The following USP47 variants were observed in gnomAD, a reference collection of about 807,000 sequenced individuals.
USP47 encodes ubiquitin carboxyl-terminal hydrolase 47.
A neutral mutation model predicts 165.1 loss-of-function variants in USP47; 35 were observed. That is an observed-to-expected ratio of 0.21 (90% CI 0.16 to 0.28). The LOEUF is 0.28. USP47 is among the 10% of genes least tolerant of loss of function. The pLI is 1.00. For synonymous variants in USP47, 531 were observed against 544.5 expected (o/e 0.98, Z 0.35); for missense variants, 1,277 against 1,607.4 (o/e 0.79, Z 3.52).
chr11:11,926,732 A>G (rs999363925), intron 11 of USP47, among the ~76,000 whole-genome samples: 1 of 144,078 alleles, frequency 6.9e-6, no homozygotes, highest in African/African-American at 2.6e-5. Flanking sequence ...CTTTTTTTAC[A>G]TCCCTCCTTC....
chr11:11,843,395 C>T (rs1848252482), intron 1 of USP47, among the ~76,000 whole-genome samples: 2 of 152,188 alleles, frequency 1.3e-5, no homozygotes, highest in African/African-American at 4.8e-5. Flanking sequence ...ATTTGTTCAT[C>T]AAGCGTCACC....
In USP47 at chr11:11,933,827, C is replaced by T; in HGVS notation, c.1765-4C>T. On this transcript the variant is annotated splice_polypyrimidine_tract_variant and splice_region_variant and intron_variant, in intron 15 of 27. Transcript: ENST00000527733. ...AGTTGATGATGATATTTTACATTTT[C>T]TAGATAAAATTATTCTGTTTGCATC... 3 of 1,580,564 alleles carry T rather than the reference C, an allele frequency of 1.9e-6. No homozygotes were observed. Among genetic ancestry groups the T allele is most frequent in the Non-Finnish European group, 2.6e-6 (3 of 1,153,164 alleles).
intron 5 of USP47, among the ~76,000 whole-genome samples, chr11:11,901,026 T>C (rs1038110878): frequency 4.6e-5 from 7 of 152,152 alleles, no homozygotes; most frequent in Non-Finnish European, 8.8e-5. Flanking sequence ...GGATTGAGAA[T>C]AGAAGAGGGG....
intron 16 of USP47, among the ~76,000 whole-genome samples, chr11:11,934,516 C>G (rs1177303133): frequency 6.6e-6 from 1 of 151,966 alleles, no homozygotes; most frequent in Non-Finnish European, 1.5e-5. Context: ...GATGCGTTAC[C>G]CATTCCATCA....
At chr11:11,854,548 C>T (rs972085778) in intron 1 of USP47, among the ~76,000 whole-genome samples, 2 of 147,502 alleles carry the variant, frequency 1.4e-5, no homozygotes, top group Non-Finnish European at 3.0e-5. Flanking sequence ...TCATTTCTAT[C>T]ATTACCTTCA....
intron 20 of USP47, among the ~76,000 whole-genome samples, chr11:11,945,797 C>T (rs1052276016): frequency 3.3e-5 from 5 of 151,516 alleles, no homozygotes; most frequent in Non-Finnish European, 5.9e-5. Flanking sequence ...AATTAGCCAG[C>T]GTGGTCATGT....
intron 4 of USP47, among the ~76,000 whole-genome samples, chr11:11,892,502 C>G (rs1851595932): frequency 6.6e-6 from 1 of 150,614 alleles, no homozygotes; most frequent in Non-Finnish European, 1.5e-5. Flanking sequence ...CCACCTCAGT[C>G]CCCTGAGTAG....
intron 14 of USP47, among the ~76,000 whole-genome samples, chr11:11,932,470 A>G (rs990233649): frequency 1.3e-5 from 2 of 152,184 alleles, no homozygotes; most frequent in African/African-American, 2.4e-5. Flanking sequence ...GTTAGGAAGC[A>G]GCTAAAGACT....
intron 3 of USP47, among the ~76,000 whole-genome samples, chr11:11,889,218 A>C (rs1851359149): frequency 2.6e-5 from 4 of 152,188 alleles, no homozygotes; most frequent in Admixed American, 2.0e-4. Flanking sequence ...AGGCAAGAAA[A>C]AGAAATAAAA....
Position 11,948,124 on chromosome 11 carries a change from G to C in USP47, c.3267+4G>C. The C allele has an allele frequency of 6.3e-7, 1 of 1,597,874 alleles. No individual in the cohort carries two copies. The highest frequency in any genetic ancestry group is 8.5e-7 in the Non-Finnish European group (1 of 1,174,512). On this transcript the variant is annotated splice_donor_region_variant and intron_variant, in intron 21 of 27. Transcript: ENST00000527733. ...ATCATTTTCTGATGACAATAAGGTT[G>C]ATTAAAATAATCTTCGAGTAGTTAG...
chr11:11,879,118 C>T (rs1041208477), intron 1 of USP47, among the ~76,000 whole-genome samples: 4 of 152,000 alleles, frequency 2.6e-5, no homozygotes, highest in Non-Finnish European at 5.9e-5. Flanking sequence ...AAATACTATT[C>T]GGGGTTGAAG....
At chr11:11,881,572 C>G (rs1309625286) in intron 2 of USP47, among the ~76,000 whole-genome samples, 1 of 151,954 alleles carries the variant, frequency 6.6e-6, no homozygotes, top group Non-Finnish European at 1.5e-5. Context: ...TAGATCTGAT[C>G]CTGTCTGTTT....
At chr11:11,897,278 A>G (rs1403236917) in intron 4 of USP47, among the ~76,000 whole-genome samples, 1 of 151,814 alleles carries the variant, frequency 6.6e-6, no homozygotes, top group African/African-American at 2.4e-5. Flanking sequence ...ATTTTGGGGG[A>G]AAAAGTTTAT....
Position 11,880,318 on chromosome 11 carries a change from G to A in USP47, c.181G>A (p.Val61Ile). ...GCTCTTTGAAGATGTGGCCAACAAAGTAGGCTACATAAATGGAACCTTTGA... is the reference window on the plus strand; with the variant it reads ...GCTCTTTGAAGATGTGGCCAACAAAATAGGCTACATAAATGGAACCTTTGA... ...RKLFEDVANK[V>I]GYINGTFDLV... The change falls in exon 2 of 28, where the codon GTA becomes ATA. Residue 61 changes from valine (V) to isoleucine (I), a missense_variant. Coordinates refer to ENST00000527733, the MANE Select transcript of USP47 (RefSeq NM_001282659.2). The A allele has an allele frequency of 7.2e-7, 1 of 1,394,226 alleles. No individual in the cohort carries two copies. The highest frequency in any genetic ancestry group is 9.2e-7 in the Non-Finnish European group (1 of 1,081,626). The allele number at this position is 1,394,226 out of a possible 1,614,324, so 86.4% of individuals were successfully genotyped here. A position where few individuals can be genotyped will look rare whatever the true frequency, so the allele number is the denominator to read the frequency against.
At chr11:11,945,299 A>C (rs1046411510) in intron 20 of USP47, among the ~76,000 whole-genome samples, 2 of 152,182 alleles carry the variant, frequency 1.3e-5, no homozygotes, top group Non-Finnish European at 2.9e-5. Context: ...CTGGGAAAAC[A>C]TGGGGATGAT....
In USP47 at chr11:11,892,024, A is replaced by C; in HGVS notation, c.414A>C (p.Pro138=). 6.2e-7 allele frequency: 1 copy of C among 1,613,972 alleles called. No homozygotes were observed. The highest frequency in any genetic ancestry group is 8.5e-7 in the Non-Finnish European group (1 of 1,179,904). Reference sequence around the variant, plus strand: ...ATGACAGGTTTATAGGTCCGCTTCCAAGAGAAGGTTCTGGGGGTTCTACCA... The same window carrying C: ...ATGACAGGTTTATAGGTCCGCTTCCCAGAGAAGGTTCTGGGGGTTCTACCA... ...SVHDRFIGPL[P]REGSGGSTSD... Residue 138 remains proline, a synonymous_variant, in exon 4 of 28, where the codon CCA becomes CCC. Coordinates refer to ENST00000527733, the MANE Select transcript of USP47 (RefSeq NM_001282659.2).
chr11:11,888,864 G>A (rs1468001444), intron 3 of USP47, among the ~76,000 whole-genome samples: 1 of 152,090 alleles, frequency 6.6e-6, no homozygotes, highest in Non-Finnish European at 1.5e-5. Flanking sequence ...TGATCAAGTT[G>A]GCTTCATTCC....
At position 11,942,353 on chromosome 11, in the gene USP47, G is replaced by A. The variant is rs1475032599; in HGVS notation, c.2332G>A (p.Glu778Lys). 1.6e-5 allele frequency: 25 copies of A among 1,600,502 alleles called. No individual in the cohort carries two copies. The highest frequency in any genetic ancestry group is 2.7e-5 in the African/African-American group (2 of 74,010). Residue 778 changes from glutamate (E) to lysine (K), a missense_variant, in exon 20 of 28, where the codon GAG becomes AAG. Coordinates refer to ENST00000527733, the MANE Select transcript of USP47 (RefSeq NM_001282659.2). ...TATGTAGGTGTTTGTTGAAAGCTCC[G>A]AGACTTTGGATTACCAGATGGCCTT... ...RSNKVFVESS[E>K]TLDYQMAFAD... is the part of the protein sequence containing the mutation.
chr11:11,887,428 C>A (rs770969066), intron 3 of USP47, among the ~76,000 whole-genome samples: 1 of 151,984 alleles, frequency 6.6e-6, no homozygotes, highest in Non-Finnish European at 1.5e-5. Flanking sequence ...GAGTCGCAAT[C>A]CTAGTTTCTG....
Sources: allele counts gnomAD v4.1 joint callset (sites outside exome capture counted in the v4.1 genomes callset), GRCh38; gene constraint gnomAD v4.1.1; transcripts MANE v1.5; gene names NCBI Gene and HGNC (gene_info 2026-07-23, HGNC 2026-07-21).